The following CEP85L variants were observed in gnomAD, a reference collection of about 807,000 sequenced individuals.
CEP85L encodes centrosomal protein of 85 kDa-like.
A neutral mutation model predicts 100.3 loss-of-function variants in CEP85L; 60 were observed. That is an observed-to-expected ratio of 0.60 (90% CI 0.49 to 0.74). CEP85L has a LOEUF of 0.74. CEP85L is among the 30% of genes least tolerant of loss of function. The probability of loss-of-function intolerance (pLI) is 0.00; values close to 1 mark genes in which losing one functional copy is unlikely to be tolerated. For synonymous variants in CEP85L, 319 were observed against 322.7 expected, an observed-to-expected ratio of 0.99 and a Z score of 0.12; for missense variants, 973 against 936.2, an observed-to-expected ratio of 1.04 and a Z score of -0.51.
At chr6:118,621,179 G>T (rs1294702015) in intron 2 of CEP85L, among the ~76,000 whole-genome samples, 1 of 152,138 alleles carries the variant, frequency 6.6e-6, no homozygotes, top group Non-Finnish European at 1.5e-5. Flanking sequence ...GTGAGAAAAT[G>T]GGACAGTCCC....
chr6:118,647,487 G>A (rs1033682752), intron 1 of CEP85L, among the ~76,000 whole-genome samples: 8 of 151,606 alleles, frequency 5.3e-5, no homozygotes, highest in Admixed American at 3.3e-4. Flanking sequence ...TCAGCCTCCT[G>A]AGTAGCTGGG....
At chr6:118,527,843 TCC>T (rs1343004805) in intron 3 of CEP85L, among the ~76,000 whole-genome samples, 2 of 152,190 alleles carry the variant, frequency 1.3e-5, no homozygotes, top group East Asian at 3.8e-4. Flanking sequence ...ATTATTTAAA[TCC>T]TAATAACAGT....
At chr6:118,519,455 T>C (rs1168235960) in intron 4 of CEP85L, among the ~76,000 whole-genome samples, 1 of 56,644 alleles carries the variant, frequency 1.8e-5, no homozygotes, top group African/African-American at 7.2e-5. Context: ...TGTGTGTGTG[T>C]GTGTGTGTGT....
upstream of CEP85L, among the ~76,000 whole-genome samples, chr6:118,655,933 C>G (rs927609243): frequency 2.4e-4 from 37 of 152,178 alleles, no homozygotes; most frequent in Non-Finnish European, 5.9e-5. Flanking sequence ...AAGTAAAGAG[C>G]TAGAATTCAA....
At chr6:118,599,925 A>G (rs1213569277) in intron 2 of CEP85L, among the ~76,000 whole-genome samples, 1 of 152,194 alleles carries the variant, frequency 6.6e-6, no homozygotes, top group East Asian at 1.9e-4. Context: ...CACAGACCAG[A>G]GGAGATTAAG....
chr6:118,464,332 CTGT>C lies in CEP85L; in HGVS notation c.*1070_*1072del, dbSNP rs1245401185. On this transcript the variant is annotated 3_prime_UTR_variant, in exon 13 of 13. Transcript: ENST00000368491. ...CGCCAAGTTCATATCCTGTGAAAAACTGTTGTTAATGTACTTTAACAAAAGGGA... is the reference window on the plus strand; with the variant it reads ...CGCCAAGTTCATATCCTGTGAAAAACTGTTAATGTACTTTAACAAAAGGGA... 1.3e-5 allele frequency: 2 copies of C among 152,108 alleles called. No individual in the cohort carries two copies. The highest frequency in any genetic ancestry group is 1.5e-5 in the Non-Finnish European group (1 of 67,980). 9.4% of individuals were successfully genotyped at this position (152,108 alleles called of 1,614,324 possible). A position where few individuals can be genotyped will look rare whatever the true frequency, so the allele number is the denominator to read the frequency against.
chr6:118,592,980 A>G (rs938639468), intron 2 of CEP85L, among the ~76,000 whole-genome samples: 12 of 147,130 alleles, frequency 8.2e-5, no homozygotes, highest in Admixed American at 2.7e-4. Flanking sequence ...AAAAAAGAAA[A>G]AGATAGTGAG....
At chr6:118,624,442 G>A (rs1773653277) in intron 2 of CEP85L, among the ~76,000 whole-genome samples, 1 of 151,882 alleles carries the variant, frequency 6.6e-6, no homozygotes, top group African/African-American at 2.4e-5. Flanking sequence ...AGAGCACCAT[G>A]ACTCCCTTTA....
At chr6:118,548,942 C>T (rs539511013) in intron 3 of CEP85L, among the ~76,000 whole-genome samples, 3 of 152,058 alleles carry the variant, frequency 2.0e-5, no homozygotes, top group South Asian at 2.1e-4. Context: ...ATACAAGCTA[C>T]TTTTAAAGTG....
chr6:118,608,258 G>C (rs144116579), intron 2 of CEP85L, among the ~76,000 whole-genome samples: 190 of 152,246 alleles, frequency 1.2e-3, no homozygotes, highest in African/African-American at 4.5e-3. Context: ...CACTTTAGGA[G>C]GCCGAGGCAG....
rs753355689 is a variant in CEP85L at position 118,523,953 on chromosome 6, A to G, written c.1021-33T>C. ...AACATGTTTACACAATTAGTATACT[A>G]AAATATTTAAAGAAAATATTTATAT... On this transcript the variant is annotated intron_variant, in intron 3 of 12. Transcript: ENST00000368491. 4 of 867,542 alleles carry G rather than the reference A, an allele frequency of 4.6e-6. No individual in the cohort carries two copies. The South Asian group carries it at 8.3e-5, about 18-fold the overall frequency. The allele number at this position is 867,542 out of a possible 1,614,324, so 53.7% of individuals were successfully genotyped here. A position where few individuals can be genotyped will look rare whatever the true frequency, so the allele number is the denominator to read the frequency against.
intron 3 of CEP85L, among the ~76,000 whole-genome samples, chr6:118,540,819 T>C (rs542640376): frequency 2.7e-4 from 41 of 152,274 alleles, no homozygotes; most frequent in African/African-American, 9.6e-4. Context: ...CCTTGCGGTC[T>C]AGCCTCATTT....
At chr6:118,635,057 ATT>A (rs1774408611) in intron 1 of CEP85L, among the ~76,000 whole-genome samples, 1 of 152,186 alleles carries the variant, frequency 6.6e-6, no homozygotes, top group South Asian at 2.1e-4. Flanking sequence ...GGCCTTGCAA[ATT>A]GGTACAACCT....
At chr6:118,643,175 T>C (rs1455696964) in intron 1 of CEP85L, among the ~76,000 whole-genome samples, 1 of 152,184 alleles carries the variant, frequency 6.6e-6, no homozygotes, top group Admixed American at 6.5e-5. Context: ...AATTTATAAA[T>C]ATATGGAAGT....
At chr6:118,571,882 G>C (rs1333390913) in intron 2 of CEP85L, among the ~76,000 whole-genome samples, 1 of 152,082 alleles carries the variant, frequency 6.6e-6, no homozygotes, top group African/African-American at 2.4e-5. Flanking sequence ...CTTGGAGACA[G>C]TTTTGCTCTT....
rs1329123993 is a variant in CEP85L at position 118,461,810 on chromosome 6, G to A, written c.*3595C>T. 6.6e-6 allele frequency: 1 copy of A among 151,992 alleles called. No individual in the cohort carries two copies. Among genetic ancestry groups the A allele is most frequent in the Admixed American group, 6.6e-5 (1 of 15,264 alleles). 9.4% of individuals were successfully genotyped at this position (151,992 alleles called of 1,614,324 possible). A position where few individuals can be genotyped will look rare whatever the true frequency, so the allele number is the denominator to read the frequency against. ...CAGTTTCAAATGATATAGTCTGAGT[G>A]AGCATGGTTATGAAAATTGCTTATT... On this transcript the variant is annotated 3_prime_UTR_variant, in exon 13 of 13. Transcript: ENST00000368491.
intron 3 of CEP85L, among the ~76,000 whole-genome samples, chr6:118,558,102 C>T (rs1411577432): frequency 1.3e-5 from 2 of 152,172 alleles, no homozygotes; most frequent in East Asian, 1.9e-4. Context: ...CAGGCACATG[C>T]CACCAGCCTA....
At chr6:118,651,625 C>G (rs1289992476), upstream of CEP85L, 14 of 990,982 alleles carry the variant, frequency 1.4e-5, no homozygotes, top group Non-Finnish European at 1.7e-5. Flanking sequence ...AGAGCCGGGG[C>G]TGGGGCCGCG....
chr6:118,617,590 C>T (rs760820979), intron 2 of CEP85L, among the ~76,000 whole-genome samples: 24 of 152,178 alleles, frequency 1.6e-4, no homozygotes, highest in Non-Finnish European at 3.4e-4. Flanking sequence ...ACATATCTCC[C>T]GCCTTAAAGA....
Sources: gnomAD v4.1 joint callset for allele counts (sites outside exome capture counted in the v4.1 genomes callset) on GRCh38, gnomAD v4.1.1 for gene constraint, MANE v1.5 for transcripts, NCBI Gene and HGNC (gene_info 2026-07-23, HGNC 2026-07-21) for gene names.